RFX7: variants seen among roughly 807,000 people sequenced by gnomAD.
RFX7 encodes the protein DNA-binding protein RFX7.
In RFX7, 26 loss-of-function variants were observed where a neutral mutation model predicts 111.8. The observed-to-expected ratio is 0.23, with a 90% confidence interval of 0.17 to 0.32. RFX7 has a LOEUF of 0.32. Among genes scored for constraint, RFX7 ranks in the 10% least tolerant of loss-of-function variants. RFX7 has a pLI of 1.00. For missense variants in RFX7, 1,573 were observed against 1,772.9 expected (o/e 0.89, Z 2.02); for synonymous variants, 624 against 624.4 (o/e 1.00, Z 0.01).
At chr15:56,231,888 G>T (rs191991781) in intron 2 of RFX7, among the ~76,000 whole-genome samples, 1 of 152,084 alleles carries the variant, frequency 6.6e-6, no homozygotes, top group Non-Finnish European at 1.5e-5. Flanking sequence ...GGAGCTAAAG[G>T]CCCCATGCAA....
At chr15:56,152,644 T>C (rs1837543186) in intron 3 of RFX7, among the ~76,000 whole-genome samples, 1 of 149,604 alleles carries the variant, frequency 6.7e-6, no homozygotes, top group African/African-American at 2.5e-5. Flanking sequence ...TTAAAAGAAC[T>C]AGAGAAGCAA....
chr15:56,220,908 T>A (rs2043420225), intron 2 of RFX7, among the ~76,000 whole-genome samples: 1 of 152,248 alleles, frequency 6.6e-6, no homozygotes, highest in South Asian at 2.1e-4. Context: ...GCTAGCCAGT[T>A]ATCCTAGCAA....
intron 5 of RFX7, among the ~76,000 whole-genome samples, chr15:56,121,073 A>G (rs765825064): frequency 3.3e-5 from 5 of 152,204 alleles, no homozygotes; most frequent in Admixed American, 1.3e-4. Flanking sequence ...TGTATACACT[A>G]TTACCACTGA....
At chr15:56,126,232 G>GA (rs1182926997) in intron 5 of RFX7, among the ~76,000 whole-genome samples, 1 of 152,118 alleles carries the variant, frequency 6.6e-6, no homozygotes, top group Non-Finnish European at 1.5e-5. Context: ...TAAAACAATG[G>GA]AAAATCCCTG....
intron 2 of RFX7, among the ~76,000 whole-genome samples, chr15:56,224,350 C>T (rs1347007986): frequency 6.6e-6 from 1 of 151,912 alleles, no homozygotes; most frequent in Non-Finnish European, 1.5e-5. Context: ...GGCTAAAAAA[C>T]ACATTAAAAA....
Position 56,243,228 on chromosome 15 carries a change from G to A in RFX7, c.58C>T (p.Pro20Ser), listed in dbSNP as rs536003334. Residue 20 changes from proline to serine, a missense_variant, in exon 2 of 10, where the codon CCC becomes TCC. Coordinates refer to ENST00000559447, the MANE Select transcript of RFX7 (RefSeq NM_022841.7). ...PQQPDAHQQL[P>S]PSAPNSGVAL... ...ACCCCCGAGTTGGGGGCGCTGGGGG[G>A]AAGCTGCTGATGGGCATCAGGCTGC... is the stretch of plus-strand genomic sequence containing the variant. The A allele has an allele frequency of 9.8e-6, 13 of 1,321,410 alleles. No individual in the cohort carries two copies. Among genetic ancestry groups the A allele is most frequent in the African/African-American group, 9.2e-5 (6 of 65,410 alleles). The allele number at this position is 1,321,410 out of a possible 1,614,324, so 81.9% of individuals were successfully genotyped here. A position where few individuals can be genotyped will look rare whatever the true frequency, so the allele number is the denominator to read the frequency against.
intron 2 of RFX7, among the ~76,000 whole-genome samples, chr15:56,198,013 C>T (rs1018881716): frequency 6.6e-6 from 1 of 152,068 alleles, no homozygotes; most frequent in Admixed American, 6.5e-5. Context: ...AGCCTAGGTA[C>T]AAAAAGGCAA....
At chr15:56,144,530 AT>A (rs749728901) in intron 3 of RFX7, 47 bp from the exon 4 acceptor site, 3 of 1,099,808 alleles carry the variant, frequency 2.7e-6, no homozygotes, top group Admixed American at 2.0e-5. Context: ...AAAAACACTC[AT>A]TTTTCCCCAA....
At chr15:56,131,432 A>C (rs117070312) in intron 5 of RFX7, among the ~76,000 whole-genome samples, 3,772 of 152,122 alleles carry the variant, frequency 0.025, 83 homozygotes, top group Non-Finnish European at 0.038. Context: ...ATGCCCAGCT[A>C]ATTTTTTGTA....
chr15:56,177,586 T>C lies in RFX7; in HGVS notation c.195+1684A>G, dbSNP rs537655955. On this transcript the variant is annotated intron_variant, in intron 3 of 9. Coordinates refer to ENST00000559447, the MANE Select transcript of RFX7 (RefSeq NM_022841.7). Reference sequence around the variant, plus strand: ...CTCTTAAAAGACTTTAAAAAGAACTTTGTTCTTATTTAGTATTTTATAAGT... The same window carrying C: ...CTCTTAAAAGACTTTAAAAAGAACTCTGTTCTTATTTAGTATTTTATAAGT... 5.3e-5 allele frequency among the ~76,000 whole-genome samples: 8 copies of C among 152,244 alleles called. No individual in the cohort carries two copies. The South Asian group carries it at 1.2e-3, about 24-fold the overall frequency.
intron 2 of RFX7, among the ~76,000 whole-genome samples, chr15:56,224,294 C>A (rs541978611): frequency 6.6e-6 from 1 of 152,006 alleles, no homozygotes; most frequent in Admixed American, 6.6e-5. Flanking sequence ...TGTAAGCAAG[C>A]AATTTTAAAG....
intron 2 of RFX7, among the ~76,000 whole-genome samples, chr15:56,182,550 A>C (rs1199512145): frequency 6.6e-6 from 1 of 152,182 alleles, no homozygotes; most frequent in Non-Finnish European, 1.5e-5. Context: ...AAAATCTATA[A>C]GCAACATACA....
At chr15:56,206,349 A>G (rs1433477086) in intron 2 of RFX7, among the ~76,000 whole-genome samples, 2 of 152,214 alleles carry the variant, frequency 1.3e-5, no homozygotes, top group Non-Finnish European at 2.9e-5. Context: ...AAAAACAATA[A>G]CAAATGCTGG....
chr15:56,166,783 C>A (rs1286326590), intron 3 of RFX7, among the ~76,000 whole-genome samples: 2 of 151,996 alleles, frequency 1.3e-5, no homozygotes, highest in Non-Finnish European at 2.9e-5. Flanking sequence ...GAGATGGGGT[C>A]TTGCTCTGTC....
intron 5 of RFX7, among the ~76,000 whole-genome samples, 157 bp from the exon 6 acceptor site, chr15:56,103,827 T>C (rs543135834): frequency 4.6e-5 from 7 of 152,356 alleles, no homozygotes; most frequent in East Asian, 1.9e-4. Flanking sequence ...TGGTGATGCA[T>C]GTTAACTCAG....
intron 2 of RFX7, among the ~76,000 whole-genome samples, chr15:56,223,186 A>C (rs1394381200): frequency 6.6e-6 from 1 of 152,178 alleles, no homozygotes; most frequent in Non-Finnish European, 1.5e-5. Context: ...AGTTGTTCTT[A>C]GAAGAGACTG....
chr15:56,243,037 T>A, intron 2 of RFX7, 88 bp downstream of exon 2: 21 of 674,244 alleles, frequency 3.1e-5, no homozygotes, highest in Non-Finnish European at 4.3e-5. Context: ...AGCCTCCTCC[T>A]CCGCTCCCCC....
chr15:56,156,523 T>G (rs2042655025), intron 3 of RFX7, among the ~76,000 whole-genome samples: 1 of 152,100 alleles, frequency 6.6e-6, no homozygotes, highest in Non-Finnish European at 1.5e-5. Flanking sequence ...CAGATGGTGC[T>G]GTAATGGAAA....
chr15:56,190,862 A>G (rs1278583553), intron 2 of RFX7, among the ~76,000 whole-genome samples: 2 of 152,272 alleles, frequency 1.3e-5, no homozygotes, highest in African/African-American at 4.8e-5. Context: ...ACTGTGCAAA[A>G]AGAAAACAAA....
Sources: allele counts gnomAD v4.1 joint callset (sites outside exome capture counted in the v4.1 genomes callset), GRCh38; gene constraint gnomAD v4.1.1; transcripts MANE v1.5; gene names NCBI Gene and HGNC (gene_info 2026-07-23, HGNC 2026-07-21).